PDE4B: variants seen among roughly 807,000 people sequenced by gnomAD.
PDE4B encodes the protein phosphodiesterase 4B, also known as 3',5'-cyclic-AMP phosphodiesterase 4B.
Under a neutral mutation model 82.2 loss-of-function variants are expected in PDE4B, and 20 were observed. The ratio of observed to expected loss-of-function variants is 0.24; its 90% CI spans 0.17 to 0.35. The LOEUF (loss-of-function observed/expected upper bound fraction) is 0.35, where lower values mean the gene tolerates loss of function less well. Among genes scored for constraint, PDE4B ranks in the 10% least tolerant of loss-of-function variants. The pLI is 1.00. For synonymous variants in PDE4B, 320 were observed against 318.9 expected (o/e 1.00, Z -0.04); for missense variants, 655 against 907.2 (o/e 0.72, Z 3.57).
At chr1:65,798,238 CTTTTTTTTTTTTTTTTTT>C (rs781315273) in intron 1 of PDE4B, among the ~76,000 whole-genome samples, 1 of 22,670 alleles carries the variant, frequency 4.4e-5, no homozygotes, top group Non-Finnish European at 6.6e-5. Flanking sequence ...CCAGGCTAGT[CTTTTTTTTTTTTTTTTTT>C]TTTTTTTTTT....
intron 9 of PDE4B, 98 bp downstream of exon 9, chr1:66,355,718 A>G (rs1358696385): frequency 1.5e-5 from 9 of 614,210 alleles, no homozygotes; most frequent in East Asian, 5.8e-5. Flanking sequence ...TTTGGGATGG[A>G]GTTGAGTCAT....
chr1:65,918,587 G>C lies in PDE4B; in HGVS notation c.43-10G>C, dbSNP rs371774255. On this transcript the variant is annotated splice_polypyrimidine_tract_variant and intron_variant, in intron 2 of 16. Coordinates refer to ENST00000341517, the MANE Select transcript of PDE4B (RefSeq NM_002600.4). ...TCTCTTCTTTTTTTCTTTCCCTGTG[G>C]TTCCTCCAGAATGTTAAAGATTATT... 6.9e-7 allele frequency: 1 copy of C among 1,452,802 alleles called. No individual in the cohort carries two copies. Among genetic ancestry groups the C allele is most frequent in the Admixed American group, 1.7e-5 (1 of 59,430 alleles). 90.0% of individuals were successfully genotyped at this position (1,452,802 alleles called of 1,614,324 possible). A position where few individuals can be genotyped will look rare whatever the true frequency, so the allele number is the denominator to read the frequency against.
chr1:65,987,003 A>T (rs1233461988), intron 3 of PDE4B, among the ~76,000 whole-genome samples: 1 of 152,200 alleles, frequency 6.6e-6, no homozygotes, highest in Non-Finnish European at 1.5e-5. Context: ...AAAGGAGGCC[A>T]GTGTGGCTGA....
intron 3 of PDE4B, among the ~76,000 whole-genome samples, chr1:66,049,043 C>T (rs912642620): frequency 6.6e-6 from 1 of 152,026 alleles, no homozygotes; most frequent in Non-Finnish European, 1.5e-5. Context: ...ACATCTAGCA[C>T]ATCTCCATAT....
At chr1:66,366,494 G>A (rs1663259574) in intron 13 of PDE4B, among the ~76,000 whole-genome samples, 1 of 152,134 alleles carries the variant, frequency 6.6e-6, no homozygotes, top group East Asian at 1.9e-4. Context: ...GGTTATTGTA[G>A]TCATGAATAA....
rs1045450832 is a variant in PDE4B at position 65,865,073 on chromosome 1, C to T, written c.-70-48172C>T. 2.0e-5 allele frequency among the ~76,000 whole-genome samples: 3 copies of T among 152,338 alleles called. No homozygotes were observed. In the East Asian group the frequency reaches 5.8e-4, roughly 29 times the overall value. ...GGCTGCTGCCTTTCCTTCAGAGATG[C>T]ACTGCCCAGTGAGGAGGAATCTAGA... On this transcript the variant is annotated intron_variant, in intron 1 of 16. Transcript: ENST00000341517.
chr1:65,926,266 A>C lies in PDE4B; in HGVS notation c.281+7431A>C, dbSNP rs572947095. 9.2e-5 allele frequency among the ~76,000 whole-genome samples: 14 copies of C among 152,348 alleles called. 1 individual carries two copies. The highest frequency in any genetic ancestry group is 8.5e-4 in the Admixed American group (13 of 15,300). On this transcript the variant is annotated intron_variant, in intron 3 of 16. Transcript: ENST00000341517. Reference sequence around the variant, plus strand: ...ACTTGGCATTTCTTTAGTAGCATCAAGAAAATAAGATGATAGTTTTCCTTA... The same window carrying C: ...ACTTGGCATTTCTTTAGTAGCATCACGAAAATAAGATGATAGTTTTCCTTA...
intron 7 of PDE4B, among the ~76,000 whole-genome samples, chr1:66,287,635 T>G (rs990562093): frequency 1.3e-5 from 2 of 152,090 alleles, no homozygotes; most frequent in African/African-American, 4.8e-5. Context: ...TTTGAGCAAA[T>G]AACTTGTCTT....
At chr1:65,931,817 A>G (rs1647849767) in intron 3 of PDE4B, among the ~76,000 whole-genome samples, 1 of 152,180 alleles carries the variant, frequency 6.6e-6, no homozygotes, top group Non-Finnish European at 1.5e-5. Flanking sequence ...AGAGTAAAAG[A>G]GTTGGACCAT....
In PDE4B at chr1:66,096,508, TTATATATA is replaced by T. The variant is rs4068855; in HGVS notation, c.282-150925_282-150918del. ...TTAAATGCGGTATAAGTAAAAAAAATTATATATATATATATATATATATATATATATAT... is the reference window on the plus strand; with the variant it reads ...TTAAATGCGGTATAAGTAAAAAAAATTATATATATATATATATATATATAT... On this transcript the variant is annotated intron_variant, in intron 3 of 16. Coordinates refer to ENST00000341517, the MANE Select transcript of PDE4B (RefSeq NM_002600.4). Among the ~76,000 whole-genome samples, 409 of 107,318 alleles carry T rather than the reference TTATATATA, an allele frequency of 3.8e-3. 25 individuals carry two copies. In the South Asian group the frequency reaches 0.084, roughly 22 times the overall value. The allele number at this position is 107,318 out of a possible 152,430, so 70.4% of individuals were successfully genotyped here.
intron 1 of PDE4B, among the ~76,000 whole-genome samples, chr1:65,799,108 C>T (rs1645666543): frequency 6.6e-6 from 1 of 152,222 alleles, no homozygotes; most frequent in South Asian, 2.1e-4. Context: ...TTTGGCTCTC[C>T]TAGTATATCA....
intron 3 of PDE4B, among the ~76,000 whole-genome samples, chr1:66,085,692 C>T (rs1656967187): frequency 6.6e-6 from 1 of 152,012 alleles, no homozygotes; most frequent in Non-Finnish European, 1.5e-5. Flanking sequence ...CTGTAGGAAA[C>T]AGAGTGGCTG....
chr1:65,822,507 C>T (rs1645964673), intron 1 of PDE4B, among the ~76,000 whole-genome samples: 1 of 152,054 alleles, frequency 6.6e-6, no homozygotes, highest in Non-Finnish European at 1.5e-5. Flanking sequence ...TTGTTACTGC[C>T]TGCTATGGTT....
At chr1:66,192,597 G>C (rs1318109210) in intron 3 of PDE4B, among the ~76,000 whole-genome samples, 1 of 152,142 alleles carries the variant, frequency 6.6e-6, no homozygotes, top group Non-Finnish European at 1.5e-5. Flanking sequence ...TCAGTCACCT[G>C]TGAGGTTCTC....
intron 3 of PDE4B, among the ~76,000 whole-genome samples, chr1:66,141,577 G>A (rs575584691): frequency 6.6e-6 from 1 of 151,766 alleles, no homozygotes; most frequent in Non-Finnish European, 1.5e-5. Flanking sequence ...AGAGAGTGAG[G>A]AGTAGTCTCA....
At chr1:66,121,124 A>G (rs910421585) in intron 3 of PDE4B, among the ~76,000 whole-genome samples, 1 of 152,138 alleles carries the variant, frequency 6.6e-6, no homozygotes, top group Non-Finnish European at 1.5e-5. Context: ...GGGGGTTACT[A>G]TCCTCTCTGA....
At chr1:65,955,663 G>T (rs917995856) in intron 3 of PDE4B, among the ~76,000 whole-genome samples, 36 of 152,092 alleles carry the variant, frequency 2.4e-4, no homozygotes, top group African/African-American at 8.7e-4. Context: ...CCTTTCTCTG[G>T]TTTATCTAGC....
intron 3 of PDE4B, among the ~76,000 whole-genome samples, chr1:65,996,611 A>G (rs1651556477): frequency 6.6e-6 from 1 of 152,202 alleles, no homozygotes; most frequent in Non-Finnish European, 1.5e-5. Flanking sequence ...TATACTCCAA[A>G]TTCATGATCC....
chr1:65,803,009 TG>T (rs1557754950), intron 1 of PDE4B, among the ~76,000 whole-genome samples: 1 of 152,196 alleles, frequency 6.6e-6, no homozygotes, highest in African/African-American at 2.4e-5. Context: ...TATGCTTTTT[TG>T]TTTTCCCTAA....
Sources: allele counts gnomAD v4.1 joint callset (sites outside exome capture counted in the v4.1 genomes callset), GRCh38; gene constraint gnomAD v4.1.1; transcripts MANE v1.5; gene names NCBI Gene and HGNC (gene_info 2026-07-23, HGNC 2026-07-21).